Variants in ZFAND6 observed in about 807,000 individuals in gnomAD.
ZFAND6 encodes the protein AN1-type zinc finger protein 6.
Under a neutral mutation model 24.5 loss-of-function variants are expected in ZFAND6, and 12 were observed. The observed-to-expected ratio is 0.49, with a 90% CI of 0.31 to 0.79. ZFAND6 has a LOEUF of 0.79. Ranked by LOEUF, ZFAND6 falls within the 30% of genes least tolerant of loss-of-function variation. ZFAND6 has a pLI of 0.04. For synonymous variants in ZFAND6, 92 were observed against 81.5 expected (o/e 1.13, Z -0.69); for missense variants, 207 against 245.9 (o/e 0.84, Z 1.06).
At chr15:80,124,560 A>C (rs1364231447) in intron 5 of ZFAND6, among the ~76,000 whole-genome samples, 1 of 152,228 alleles carries the variant, frequency 6.6e-6, no homozygotes, top group Non-Finnish European at 1.5e-5. Flanking sequence ...ACACATAGGA[A>C]GTGTTTTTAT....
chr15:80,118,749 A>G (rs2040014246), intron 2 of ZFAND6, among the ~76,000 whole-genome samples: 1 of 152,148 alleles, frequency 6.6e-6, no homozygotes, highest in African/African-American at 2.4e-5. Flanking sequence ...ACTATCCTCA[A>G]CAGTTTTAGG....
intron 2 of ZFAND6, chr15:80,115,002 G>C (rs1325415174): frequency 6.6e-6 from 1 of 151,894 alleles, no homozygotes; most frequent in East Asian, 1.9e-4. Context: ...TTTTGTTGTT[G>C]GTTTTGTTTT....
intron 5 of ZFAND6, among the ~76,000 whole-genome samples, chr15:80,128,035 A>G (rs1317131745): frequency 1.3e-5 from 2 of 152,254 alleles, no homozygotes; most frequent in Non-Finnish European, 2.9e-5. Flanking sequence ...TACATGCCAC[A>G]GTATGAGTGA....
chr15:80,101,466 G>GA (rs1342411486), intron 2 of ZFAND6, among the ~76,000 whole-genome samples: 13 of 150,230 alleles, frequency 8.7e-5, no homozygotes, highest in Non-Finnish European at 1.2e-4. Context: ...CCATCTCAAA[G>GA]AAAAAAAAAG....
intron 2 of ZFAND6, among the ~76,000 whole-genome samples, chr15:80,118,057 T>C (rs1013708487): frequency 6.6e-6 from 1 of 151,942 alleles, no homozygotes; most frequent in African/African-American, 2.4e-5. Context: ...TATACATATA[T>C]GTATACATAT....
At chr15:80,104,081 A>G (rs989491496) in intron 2 of ZFAND6, among the ~76,000 whole-genome samples, 5 of 152,194 alleles carry the variant, frequency 3.3e-5, no homozygotes, top group Non-Finnish European at 7.4e-5. Context: ...AACTCAAGCA[A>G]TCCTCTCGCC....
At chr15:80,061,011 A>G (rs879924982) in intron 1 of ZFAND6, among the ~76,000 whole-genome samples, 1 of 152,232 alleles carries the variant, frequency 6.6e-6, no homozygotes, top group Non-Finnish European at 1.5e-5. Flanking sequence ...TGATTTTTTA[A>G]AAGTGTAAAA....
chr15:80,108,250 G>A (rs1001582890), intron 2 of ZFAND6, among the ~76,000 whole-genome samples: 6 of 152,096 alleles, frequency 3.9e-5, no homozygotes, highest in Admixed American at 6.6e-5. Flanking sequence ...TTAAAATTAG[G>A]GAAGGACATT....
chr15:80,109,028 G>A (rs2039477357), intron 2 of ZFAND6, among the ~76,000 whole-genome samples: 1 of 152,046 alleles, frequency 6.6e-6, no homozygotes, highest in South Asian at 2.1e-4. Flanking sequence ...GCGCCTGCAG[G>A]CATCTTTGTT....
At chr15:80,112,224 C>T (rs563048310) in intron 2 of ZFAND6, among the ~76,000 whole-genome samples, 11 of 152,230 alleles carry the variant, frequency 7.2e-5, no homozygotes, top group Non-Finnish European at 1.3e-4. Context: ...TGCGCCACTG[C>T]GCTCCAGCCT....
At chr15:80,078,931 A>C (rs1347423480) in intron 1 of ZFAND6, among the ~76,000 whole-genome samples, 1 of 151,276 alleles carries the variant, frequency 6.6e-6, no homozygotes, top group Non-Finnish European at 1.5e-5. Context: ...GTACATGTGC[A>C]CAGTGTGCGG....
intron 2 of ZFAND6, among the ~76,000 whole-genome samples, chr15:80,106,706 C>T (rs1168184581): frequency 6.6e-6 from 1 of 151,118 alleles, no homozygotes; most frequent in African/African-American, 2.4e-5. Context: ...TTGTTTTCCT[C>T]TGAATTTGTG....
chr15:80,112,772 A>G (rs1257383505), intron 2 of ZFAND6: 1 of 455,914 alleles, frequency 2.2e-6, no homozygotes, highest in African/African-American at 2.0e-5. Context: ...TACCCATGTG[A>G]TAGTTGGAGA....
chr15:80,070,628 T>C (rs1040624246), intron 1 of ZFAND6, among the ~76,000 whole-genome samples: 1 of 152,212 alleles, frequency 6.6e-6, no homozygotes, highest in Non-Finnish European at 1.5e-5. Flanking sequence ...TCTTTTCTCT[T>C]GGTTATGTAT....
At chr15:80,074,901 C>A (rs1596197173) in intron 1 of ZFAND6, among the ~76,000 whole-genome samples, 1 of 151,944 alleles carries the variant, frequency 6.6e-6, no homozygotes, top group Admixed American at 6.6e-5. Flanking sequence ...TTTTTTCTTA[C>A]AAATGGGGAG....
At chr15:80,135,062 C>T (rs2040794375) in intron 6 of ZFAND6, among the ~76,000 whole-genome samples, 1 of 152,186 alleles carries the variant, frequency 6.6e-6, no homozygotes, top group African/African-American at 2.4e-5. Context: ...CTTTTACCTT[C>T]TCCACCTCTG....
intron 1 of ZFAND6, among the ~76,000 whole-genome samples, chr15:80,091,867 T>TGACCTC (rs2038398529): frequency 2.0e-5 from 3 of 152,150 alleles, no homozygotes; most frequent in Non-Finnish European, 4.4e-5. Flanking sequence ...CTTGAACTCC[T>TGACCTC]GACCTCAAGC....
intron 6 of ZFAND6, among the ~76,000 whole-genome samples, chr15:80,136,558 C>CAGTCTGTT (rs1352456719): frequency 1.3e-5 from 2 of 152,180 alleles, no homozygotes; most frequent in East Asian, 1.9e-4. Flanking sequence ...TCATCTTGTC[C>CAGTCTGTT]AGTCTGTCTA....
intron 1 of ZFAND6, among the ~76,000 whole-genome samples, chr15:80,092,805 T>C (rs1026871759): frequency 2.0e-5 from 3 of 152,146 alleles, no homozygotes; most frequent in African/African-American, 7.2e-5. Context: ...TTTTGAGCAT[T>C]TTAATTTTGT....
Sources: gnomAD v4.1 joint callset for allele counts (sites outside exome capture counted in the v4.1 genomes callset) on GRCh38, gnomAD v4.1.1 for gene constraint, MANE v1.5 for transcripts, NCBI Gene and HGNC (gene_info 2026-07-23, HGNC 2026-07-21) for gene names.